Variants in CD96 observed in about 807,000 individuals in gnomAD.
CD96 encodes CD96 molecule.
CD96 carries 70 observed loss-of-function variants against 71.3 expected under a neutral mutation model. The ratio of observed to expected loss-of-function variants is 0.98; its 90% CI spans 0.81 to 1.20. The LOEUF is 1.20. Among genes scored for constraint, CD96 ranks in the 50% most tolerant of loss-of-function variants. The pLI is 0.00. For missense variants in CD96, 742 were observed against 677.5 expected, an observed-to-expected ratio of 1.10 and a Z score of -1.06; for synonymous variants, 248 against 233.0, an observed-to-expected ratio of 1.06 and a Z score of -0.59.
intron 10 of CD96, among the ~76,000 whole-genome samples, chr3:111,632,315 T>C (rs936623933): frequency 6.6e-6 from 1 of 152,046 alleles, no homozygotes; most frequent in Non-Finnish European, 1.5e-5. Context: ...GCAAAGGACA[T>C]GAACAGACAG....
chr3:111,659,565 T>C (rs1322818168), intron 14 of CD96, among the ~76,000 whole-genome samples: 2 of 152,176 alleles, frequency 1.3e-5, no homozygotes, highest in Non-Finnish European at 2.9e-5. Context: ...CCTATTTTCA[T>C]TAGTTGCAAG....
chr3:111,637,251 A>C lies in CD96; in HGVS notation c.1377A>C (p.Ser459=), dbSNP rs1576421093. The change falls in exon 11 of 14, where the codon TCA becomes TCC. Residue 459 remains serine (S), a synonymous_variant. Coordinates refer to ENST00000352690, the MANE Select transcript of CD96 (RefSeq NM_005816.5). ...GTTCATCCCCGTCAGGTGCAGGCTC[A>C]ACACTTCATGGTGAGTACTTGGGGA... ...TYSSSPSGAG[S]TLHDNVFTST... 1.9e-6 allele frequency: 3 copies of C among 1,559,906 alleles called. No homozygotes were observed. The highest frequency in any genetic ancestry group is 1.4e-5 in the African/African-American group (1 of 74,008).
intron 8 of CD96, chr3:111,612,766 G>A (rs1938017912): frequency 2.3e-6 from 1 of 427,296 alleles, no homozygotes. Context: ...GCTGTTATAG[G>A]TCTTAGGAAA....
chr3:111,658,140 T>A (rs536285960), intron 14 of CD96, among the ~76,000 whole-genome samples: 1 of 152,064 alleles, frequency 6.6e-6, no homozygotes, highest in Non-Finnish European at 1.5e-5. Flanking sequence ...CTTTGTTAGG[T>A]CAGAAAATAA....
At chr3:111,665,649 T>G (rs1237522966) in exon 15 of CD96, 7 of 152,222 alleles carry the variant, frequency 4.6e-5, no homozygotes, top group African/African-American at 1.2e-4. Flanking sequence ...CCATTTCATA[T>G]CAAAGAAAAC....
chr3:111,647,505 T>C (rs763008400), intron 12 of CD96, 38 bp from the exon 13 acceptor site: 5 of 1,603,650 alleles, frequency 3.1e-6, no homozygotes, highest in East Asian at 4.5e-5. Context: ...ATGCCAAAGT[T>C]TGGGATTAAA....
intron 7 of CD96, among the ~76,000 whole-genome samples, chr3:111,605,998 TAA>T (rs1264755342): frequency 9.9e-5 from 15 of 152,238 alleles, no homozygotes. Context: ...CTGGCATTTG[TAA>T]ATTGTCCTTC....
chr3:111,561,967 A>G (rs1256066012), intron 2 of CD96, among the ~76,000 whole-genome samples: 1 of 150,914 alleles, frequency 6.6e-6, no homozygotes, highest in Non-Finnish European at 1.5e-5. Flanking sequence ...GAGTGACCCG[A>G]TTTTCCAGGT....
At chr3:111,562,269 C>T (rs1559721236) in intron 2 of CD96, among the ~76,000 whole-genome samples, 1 of 152,222 alleles carries the variant, frequency 6.6e-6, no homozygotes, top group Non-Finnish European at 1.5e-5. Flanking sequence ...TTAAATTCAA[C>T]ACCTGGGTCC....
At chr3:111,594,101 A>G in intron 5 of CD96, 1 of 1,614,170 alleles carries the variant, frequency 6.2e-7, no homozygotes. Flanking sequence ...AGGGCCAACC[A>G]GTTCTCCTGT....
chr3:111,587,407 A>G (rs879500226), intron 5 of CD96, among the ~76,000 whole-genome samples: 8 of 151,892 alleles, frequency 5.3e-5, no homozygotes, highest in Non-Finnish European at 1.2e-4. Context: ...TAGGGACACA[A>G]GCTCTGCCAG....
intron 5 of CD96, among the ~76,000 whole-genome samples, chr3:111,591,631 T>C (rs965867139): frequency 1.3e-5 from 2 of 152,204 alleles, no homozygotes; most frequent in African/African-American, 4.8e-5. Context: ...AATAAGGTTC[T>C]GAGTCCAAAT....
chr3:111,594,130 C>T (rs145211272), intron 5 of CD96: 180 of 1,613,818 alleles, frequency 1.1e-4, no homozygotes, highest in Non-Finnish European at 1.5e-4. Flanking sequence ...TCTCTTCCTC[C>T]TCCTTCATCT....
chr3:111,623,893 A>G (rs1227809460), intron 9 of CD96, 71 bp downstream of exon 9: 2 of 981,286 alleles, frequency 2.0e-6, no homozygotes, highest in African/African-American at 1.6e-5. Flanking sequence ...TACTGCTTCT[A>G]TAATGTTGAC....
chr3:111,557,294 G>C (rs931027778), intron 2 of CD96, among the ~76,000 whole-genome samples: 2 of 113,054 alleles, frequency 1.8e-5, no homozygotes, highest in Non-Finnish European at 3.5e-5. Flanking sequence ...CCTATGTCCT[G>C]AATGGTAATG....
chr3:111,577,416 C>T, intron 3 of CD96: 1 of 911,464 alleles, frequency 1.1e-6, no homozygotes, highest in Non-Finnish European at 1.9e-6. Flanking sequence ...CTTCTCCTGT[C>T]CCCACCCAAT....
intron 10 of CD96, among the ~76,000 whole-genome samples, chr3:111,636,728 T>C (rs1939346384): frequency 6.6e-6 from 1 of 152,230 alleles, no homozygotes; most frequent in African/African-American, 2.4e-5. Context: ...TGTTTTGTTT[T>C]CACAGTTCAG....
At chr3:111,561,981 T>C (rs1387680379) in intron 2 of CD96, among the ~76,000 whole-genome samples, 4 of 151,846 alleles carry the variant, frequency 2.6e-5, no homozygotes, top group Non-Finnish European at 5.9e-5. Flanking sequence ...TCCAGGTGCG[T>C]CCGTCACCCC....
intron 2 of CD96, among the ~76,000 whole-genome samples, chr3:111,555,570 T>C (rs1031056661): frequency 1.3e-5 from 2 of 152,302 alleles, no homozygotes; most frequent in African/African-American, 4.8e-5. Flanking sequence ...CTAGTTATAT[T>C]ATTAGTCTGC....
Sources: allele counts gnomAD v4.1 joint callset (sites outside exome capture counted in the v4.1 genomes callset), GRCh38; gene constraint gnomAD v4.1.1; transcripts MANE v1.5; gene names NCBI Gene and HGNC (gene_info 2026-07-23, HGNC 2026-07-21).